FHOD3: variants seen among roughly 807,000 people sequenced by gnomAD.
FHOD3 encodes formin homology 2 domain containing 3.
In FHOD3, 90 loss-of-function variants were observed where a neutral mutation model predicts 173.0. The observed-to-expected ratio is 0.52, with a 90% CI of 0.44 to 0.62. The LOEUF is 0.62. Among genes scored for constraint, FHOD3 ranks in the 20% least tolerant of loss-of-function variants. FHOD3 has a pLI of 0.00. For missense variants in FHOD3, 1,945 were observed against 2,034.7 expected, an observed-to-expected ratio of 0.96 and a Z score of 0.85; for synonymous variants, 828 against 823.0, an observed-to-expected ratio of 1.01 and a Z score of -0.10.
At chr18:36,639,580 G>A (rs1302367446) in intron 10 of FHOD3, among the ~76,000 whole-genome samples, 5 of 151,796 alleles carry the variant, frequency 3.3e-5, no homozygotes, top group Admixed American at 6.6e-5. Flanking sequence ...GGAGAATGGC[G>A]TGAACCCGGG....
intron 3 of FHOD3, among the ~76,000 whole-genome samples, chr18:36,470,114 G>A (rs1418840678): frequency 6.6e-6 from 1 of 152,194 alleles, no homozygotes; most frequent in East Asian, 1.9e-4. Flanking sequence ...CAGGGGCCAT[G>A]CCTGGGCTGC....
At chr18:36,608,500 C>G (rs1399668301) in intron 8 of FHOD3, among the ~76,000 whole-genome samples, 1 of 152,164 alleles carries the variant, frequency 6.6e-6, no homozygotes. Context: ...AACACATGAA[C>G]TTTGGGTGGG....
chr18:36,306,409 G>C (rs538502164), intron 1 of FHOD3, among the ~76,000 whole-genome samples: 1 of 152,238 alleles, frequency 6.6e-6, no homozygotes, highest in Non-Finnish European at 1.5e-5. Context: ...GTCTGGTGGG[G>C]TGGAGGCTTC....
intron 5 of FHOD3, among the ~76,000 whole-genome samples, chr18:36,541,042 G>A (rs1212831463): frequency 6.7e-5 from 10 of 149,316 alleles, no homozygotes; most frequent in Non-Finnish European, 1.3e-4. Context: ...CCTGAGATCA[G>A]GAGTTAGAGA....
At chr18:36,439,772 T>C (rs1398552330) in intron 3 of FHOD3, among the ~76,000 whole-genome samples, 1 of 152,060 alleles carries the variant, frequency 6.6e-6, no homozygotes, top group Non-Finnish European at 1.5e-5. Flanking sequence ...TGTTAAGTCC[T>C]AGAGTCCAAA....
intron 3 of FHOD3, among the ~76,000 whole-genome samples, chr18:36,443,950 T>C (rs951312034): frequency 7.9e-5 from 12 of 152,134 alleles, no homozygotes; most frequent in African/African-American, 2.9e-4. Context: ...TGTTAACCTA[T>C]GTGTCTGTAG....
intron 3 of FHOD3, among the ~76,000 whole-genome samples, chr18:36,447,061 T>C (rs542313215): frequency 4.2e-4 from 64 of 152,256 alleles, no homozygotes; most frequent in Non-Finnish European, 1.9e-4. Context: ...CGGCAACTCC[T>C]TTTCTTCTGG....
intron 14 of FHOD3, among the ~76,000 whole-genome samples, chr18:36,661,786 G>C (rs77832186): frequency 6.6e-6 from 1 of 152,158 alleles, no homozygotes; most frequent in Non-Finnish European, 1.5e-5. Context: ...TTAAGTCAAG[G>C]ATATTAAAAT....
chr18:36,741,548 T>A (rs914926553), intron 21 of FHOD3, among the ~76,000 whole-genome samples: 3 of 152,154 alleles, frequency 2.0e-5, no homozygotes, highest in Non-Finnish European at 2.9e-5. Context: ...GGCAGGAGGA[T>A]GGCTTGAAGC....
chr18:36,731,184 A>G (rs890405982), intron 20 of FHOD3, among the ~76,000 whole-genome samples: 6 of 152,384 alleles, frequency 3.9e-5, no homozygotes, highest in Admixed American at 3.3e-4. Flanking sequence ...CATCCATGTA[A>G]GAACTTTCTC....
At chr18:36,505,886 A>G (rs1334329011) in intron 4 of FHOD3, among the ~76,000 whole-genome samples, 1 of 152,274 alleles carries the variant, frequency 6.6e-6, no homozygotes, top group African/African-American at 2.4e-5. Context: ...GCAGGCACAC[A>G]TAAATGAAAT....
chr18:36,612,509 G>A (rs544467145), intron 9 of FHOD3, among the ~76,000 whole-genome samples: 71 of 152,112 alleles, frequency 4.7e-4, no homozygotes, highest in Non-Finnish European at 9.0e-4. Flanking sequence ...AATGCAAAAC[G>A]AAAATGAAGG....
intron 10 of FHOD3, among the ~76,000 whole-genome samples, chr18:36,639,835 A>T (rs1327209116): frequency 2.6e-5 from 4 of 151,484 alleles, no homozygotes; most frequent in Non-Finnish European, 2.9e-5. Context: ...TTTTAAACAC[A>T]AAGTCAAGGT....
At chr18:36,515,291 C>T (rs1384143842) in intron 5 of FHOD3, among the ~76,000 whole-genome samples, 1 of 152,198 alleles carries the variant, frequency 6.6e-6, no homozygotes, top group Admixed American at 6.5e-5. Flanking sequence ...CATCTGGGCT[C>T]ACTGCAAGCT....
chr18:36,564,511 T>G (rs1229565659), intron 5 of FHOD3, among the ~76,000 whole-genome samples: 1 of 152,166 alleles, frequency 6.6e-6, no homozygotes, highest in East Asian at 1.9e-4. Context: ...TGATGAGGGC[T>G]CCTTTTAAAT....
chr18:36,339,261 C>T (rs2045487908), intron 1 of FHOD3, among the ~76,000 whole-genome samples: 1 of 152,026 alleles, frequency 6.6e-6, no homozygotes, highest in African/African-American at 2.4e-5. Flanking sequence ...GATTCCAAGT[C>T]ATGTTCTATG....
intron 1 of FHOD3, among the ~76,000 whole-genome samples, chr18:36,310,479 A>T (rs9959335): frequency 0.028 from 4,318 of 151,990 alleles, 209 homozygotes; most frequent in African/African-American, 0.099. Context: ...TGAGGTCAGG[A>T]GTTTGGGACC....
intron 2 of FHOD3, among the ~76,000 whole-genome samples, chr18:36,362,335 G>A (rs913588015): frequency 2.0e-5 from 3 of 152,328 alleles, no homozygotes; most frequent in African/African-American, 7.2e-5. Context: ...GTGCCAGCTC[G>A]TGTAGAGGGA....
At chr18:36,517,590 A>C (rs2056061042) in intron 5 of FHOD3, among the ~76,000 whole-genome samples, 1 of 152,230 alleles carries the variant, frequency 6.6e-6, no homozygotes, top group African/African-American at 2.4e-5. Flanking sequence ...CTAGCTTTAC[A>C]TGGAGAAATT....
Sources: allele counts gnomAD v4.1 joint callset (sites outside exome capture counted in the v4.1 genomes callset), GRCh38; gene constraint gnomAD v4.1.1; transcripts MANE v1.5; gene names NCBI Gene and HGNC (gene_info 2026-07-23, HGNC 2026-07-21).